Variants in ALKBH3 observed in about 807,000 individuals in gnomAD.
The protein encoded by ALKBH3 is alpha-ketoglutarate-dependent dioxygenase alkB homolog 3.
ALKBH3 carries 51 observed loss-of-function variants against 43.9 expected under a neutral mutation model. That is an observed-to-expected ratio of 1.16 (90% CI 0.93 to 1.47). The LOEUF (loss-of-function observed/expected upper bound fraction) is 1.47, where lower values mean the gene tolerates loss of function less well. Ranked by LOEUF, ALKBH3 falls within the 40% of genes most tolerant of loss-of-function variation. ALKBH3 has a pLI of 0.00. For missense variants in ALKBH3, 361 were observed against 351.9 expected, an observed-to-expected ratio of 1.03 and a Z score of -0.21; for synonymous variants, 102 against 115.2, an observed-to-expected ratio of 0.89 and a Z score of 0.73.
intron 6 of ALKBH3, among the ~76,000 whole-genome samples, chr11:43,890,779 GCT>G: frequency 6.6e-6 from 1 of 152,074 alleles, no homozygotes; most frequent in Non-Finnish European, 1.5e-5. Context: ...CAGGAGAATT[GCT>G]TGAATCCGGG....
intron 8 of ALKBH3, among the ~76,000 whole-genome samples, chr11:43,914,286 A>G (rs1468415659): frequency 6.6e-6 from 1 of 152,206 alleles, no homozygotes; most frequent in African/African-American, 2.4e-5. Flanking sequence ...TTTTCCCTCC[A>G]GCTCCCTTTG....
intron 8 of ALKBH3, among the ~76,000 whole-genome samples, chr11:43,918,634 C>T (rs1419619757): frequency 6.6e-6 from 1 of 152,198 alleles, no homozygotes; most frequent in African/African-American, 2.4e-5. Flanking sequence ...AAATGTAGAG[C>T]ACAACATCAG....
chr11:43,912,951 T>C (rs1229082175), intron 8 of ALKBH3, among the ~76,000 whole-genome samples: 1 of 152,114 alleles, frequency 6.6e-6, no homozygotes, highest in East Asian at 1.9e-4. Context: ...GGTTAATACA[T>C]GGAACAGGCT....
intron 6 of ALKBH3, among the ~76,000 whole-genome samples, chr11:43,890,700 C>T (rs1204772568): frequency 6.6e-6 from 1 of 152,064 alleles, no homozygotes; most frequent in Non-Finnish European, 1.5e-5. Context: ...CCCATCTCTA[C>T]TAACAATACA....
chr11:43,881,606 A>C (rs1951711574), intron 1 of ALKBH3, among the ~76,000 whole-genome samples: 1 of 152,204 alleles, frequency 6.6e-6, no homozygotes, highest in Non-Finnish European at 1.5e-5. Context: ...GCGTCTCTCC[A>C]CCTATTAAAT....
At chr11:43,908,237 G>C (rs1478907016) in intron 8 of ALKBH3, among the ~76,000 whole-genome samples, 2 of 152,216 alleles carry the variant, frequency 1.3e-5, no homozygotes, top group Non-Finnish European at 2.9e-5. Flanking sequence ...AGAACCTTCA[G>C]AGCTCATTGA....
chr11:43,889,607 T>C, intron 5 of ALKBH3, 118 bp from the exon 6 acceptor site: 2 of 744,764 alleles, frequency 2.7e-6, no homozygotes, highest in South Asian at 1.8e-5. Flanking sequence ...GGAGCTGTGG[T>C]AAGATGATTT....
chr11:43,900,832 C>T (rs1951858209), intron 7 of ALKBH3, among the ~76,000 whole-genome samples: 1 of 152,182 alleles, frequency 6.6e-6, no homozygotes. Context: ...ATATGAATTA[C>T]ATCAGTGAAC....
At chr11:43,912,929 C>T (rs931133715) in intron 8 of ALKBH3, among the ~76,000 whole-genome samples, 3 of 152,114 alleles carry the variant, frequency 2.0e-5, no homozygotes, top group Non-Finnish European at 4.4e-5. Context: ...CCTACTGGCT[C>T]TCCTGGGCCT....
chr11:43,893,866 T>C (rs1951800659), intron 7 of ALKBH3, among the ~76,000 whole-genome samples: 1 of 152,192 alleles, frequency 6.6e-6, no homozygotes, highest in Non-Finnish European at 1.5e-5. Context: ...AGCTACCCTT[T>C]CTCAGATTTT....
intron 4 of ALKBH3, among the ~76,000 whole-genome samples, chr11:43,884,395 T>A (rs1000460045): frequency 8.2e-6 from 1 of 122,506 alleles, no homozygotes. Context: ...TTTTTTTTTT[T>A]ACTAGCAATG....
rs12365203 is a variant in ALKBH3, at chr11:43,919,901, T to C, written c.769-17T>C. 29,321 of 1,605,852 alleles carry C rather than the reference T, an allele frequency of 0.018. 305 individuals carry two copies. The highest frequency in any genetic ancestry group is 0.022 in the Non-Finnish European group (26,009 of 1,172,484). On this transcript the variant is annotated splice_polypyrimidine_tract_variant and intron_variant, in intron 9 of 9. Coordinates refer to ENST00000302708, the MANE Select transcript of ALKBH3 (RefSeq NM_139178.4). ...TATGTGTGTATTTATGTCAGAGTTA[T>C]GTGTATTTCCATTTAGCATCGAGTG... is the stretch of plus-strand genomic sequence containing the variant.
At chr11:43,897,237 G>A (rs1311949936) in intron 7 of ALKBH3, 1 of 543,824 alleles carries the variant, frequency 1.8e-6, no homozygotes, top group Non-Finnish European at 3.6e-6. Context: ...GCACCTGTTA[G>A]TGGAACCGCG....
rs746755417 is a variant in ALKBH3, at chr11:43,882,738, AT to A, written c.79+8del. 1 of 1,609,386 alleles carries A rather than the reference AT, an allele frequency of 6.2e-7. No individual in the cohort carries two copies. On this transcript the variant is annotated splice_region_variant and intron_variant, in intron 2 of 9. Coordinates refer to ENST00000302708, the MANE Select transcript of ALKBH3 (RefSeq NM_139178.4). ...CAGGCCATTGCTCAGCCAGGCAAGA[AT>A]CTGTAGGGATTTTGTGTGTGTGTGG... is the stretch of plus-strand genomic sequence containing the variant.
intron 8 of ALKBH3, among the ~76,000 whole-genome samples, chr11:43,910,991 GAACATGACA>G (rs1951934086): frequency 6.6e-6 from 1 of 152,186 alleles, no homozygotes; most frequent in African/African-American, 2.4e-5. Context: ...ATATAGCAGT[GAACATGACA>G]AACATAGTCC....
intron 8 of ALKBH3, among the ~76,000 whole-genome samples, chr11:43,908,471 A>G (rs1381352576): frequency 2.0e-5 from 3 of 152,072 alleles, no homozygotes; most frequent in Non-Finnish European, 4.4e-5. Flanking sequence ...ATGTGTTCTC[A>G]TATGCTTTCA....
intron 8 of ALKBH3, among the ~76,000 whole-genome samples, chr11:43,910,918 C>T (rs1031707859): frequency 6.6e-6 from 1 of 152,188 alleles, no homozygotes; most frequent in African/African-American, 2.4e-5. Context: ...TCATTCTCCC[C>T]TCTCCAAATA....
intron 7 of ALKBH3, among the ~76,000 whole-genome samples, chr11:43,896,915 G>T (rs1352162160): frequency 6.6e-6 from 1 of 152,040 alleles, no homozygotes; most frequent in Non-Finnish European, 1.5e-5. Context: ...TGGACCAATG[G>T]CTTTATTATT....
At chr11:43,905,453 T>C (rs1951889564) in intron 8 of ALKBH3, among the ~76,000 whole-genome samples, 2 of 152,102 alleles carry the variant, frequency 1.3e-5, no homozygotes. Flanking sequence ...TTTTTTTTTT[T>C]CACTGTCCTG....
Sources: allele counts gnomAD v4.1 joint callset (sites outside exome capture counted in the v4.1 genomes callset), GRCh38; gene constraint gnomAD v4.1.1; transcripts MANE v1.5; gene names NCBI Gene and HGNC (gene_info 2026-07-23, HGNC 2026-07-21).